Variants in IGF1 observed in about 807,000 individuals in gnomAD.
IGF1 encodes insulin like growth factor 1, also known as insulin-like growth factor 1.
IGF1 carries 4 observed loss-of-function variants against 13.8 expected under a neutral mutation model. The ratio of observed to expected loss-of-function variants is 0.29; its 90% CI spans 0.14 to 0.66. The LOEUF is 0.66. Ranked by LOEUF, IGF1 falls within the 30% of genes least tolerant of loss-of-function variation. The pLI, the probability that IGF1 is intolerant of heterozygous loss-of-function variation, is 0.78. For synonymous variants in IGF1, 76 were observed against 72.6 expected (o/e 1.05, Z -0.23); for missense variants, 124 against 188.5 (o/e 0.66, Z 2.00).
chr12:102,466,538 T>C (rs1341003116), intron 2 of IGF1, among the ~76,000 whole-genome samples: 2 of 152,200 alleles, frequency 1.3e-5, no homozygotes, highest in African/African-American at 4.8e-5. Context: ...GTCAATAGTG[T>C]TGAGGCTGAA....
rs1873752276 is a variant in IGF1, at chr12:102,402,355, G to A, written c.*152C>T. 1 of 745,964 alleles carries A rather than the reference G, an allele frequency of 1.3e-6. No homozygotes were observed. The highest frequency in any genetic ancestry group is 2.5e-5 in the East Asian group (1 of 40,408). The allele number at this position is 745,964 out of a possible 1,614,324, so 46.2% of individuals were successfully genotyped here. On this transcript the variant is annotated 3_prime_UTR_variant, in exon 4 of 4. Transcript: ENST00000337514. ...TCACTCCTAAAGACAATGTTGGAAT[G>A]TTTACTTGTGTATTTCATTGGGGGA...
intron 3 of IGF1, chr12:102,417,960 C>T (rs1490271682): frequency 1.2e-6 from 2 of 1,613,534 alleles, no homozygotes; most frequent in African/African-American, 1.3e-5. Flanking sequence ...CCAACCTTTC[C>T]TTCTCTGAGA....
intron 2 of IGF1, among the ~76,000 whole-genome samples, chr12:102,425,693 G>A (rs557599361): frequency 1.1e-4 from 16 of 152,118 alleles, no homozygotes; most frequent in Non-Finnish European, 2.4e-4. Flanking sequence ...CAAGTCCTAG[G>A]GGCGATAACA....
intron 2 of IGF1, among the ~76,000 whole-genome samples, chr12:102,427,079 A>G (rs1043564388): frequency 1.3e-5 from 2 of 152,204 alleles, no homozygotes; most frequent in Non-Finnish European, 2.9e-5. Flanking sequence ...CCCAGTATAC[A>G]GTGTCACCAG....
chr12:102,418,069 C>T (rs1565969068), intron 3 of IGF1: 3 of 1,532,776 alleles, frequency 2.0e-6, no homozygotes, highest in Non-Finnish European at 2.7e-6. Context: ...TTTGAATGAG[C>T]TCAGAATGCC....
chr12:102,428,953 G>T (rs768111880), intron 2 of IGF1, among the ~76,000 whole-genome samples: 3 of 152,158 alleles, frequency 2.0e-5, no homozygotes, highest in Non-Finnish European at 4.4e-5. Flanking sequence ...CATCATCTAT[G>T]CCATTGGTAC....
chr12:102,451,276 G>A (rs960905164), intron 2 of IGF1, among the ~76,000 whole-genome samples: 3 of 152,226 alleles, frequency 2.0e-5, no homozygotes, highest in South Asian at 2.1e-4. Flanking sequence ...AAGGATAAGA[G>A]AGTATTGCTC....
At chr12:102,435,382 TAGA>T (rs1457034787) in intron 2 of IGF1, among the ~76,000 whole-genome samples, 2 of 152,188 alleles carry the variant, frequency 1.3e-5, no homozygotes, top group African/African-American at 2.4e-5. Flanking sequence ...GCTCAGAATA[TAGA>T]AGAGGACACA....
At chr12:102,480,566 G>A, upstream of IGF1, 2 of 1,442,938 alleles carry the variant, frequency 1.4e-6, no homozygotes, top group Non-Finnish European at 1.8e-6. Context: ...AACAGAAGAG[G>A]GATTTAGAGA....
intron 2 of IGF1, among the ~76,000 whole-genome samples, chr12:102,456,222 G>GT (rs1879387483): frequency 3.2e-4 from 1 of 3,110 alleles, no homozygotes; most frequent in South Asian, 5.3e-3. Flanking sequence ...TTTAAAAAAG[G>GT]TGTGTGTGTG....
At chr12:102,441,113 A>G (rs1433904987) in intron 2 of IGF1, among the ~76,000 whole-genome samples, 1 of 152,192 alleles carries the variant, frequency 6.6e-6, no homozygotes, top group African/African-American at 2.4e-5. Context: ...CAGGCACCCT[A>G]GTGACTCATG....
At chr12:102,450,615 G>A (rs903593739) in intron 2 of IGF1, among the ~76,000 whole-genome samples, 35 of 152,186 alleles carry the variant, frequency 2.3e-4, no homozygotes, top group African/African-American at 6.8e-4. Flanking sequence ...TACTCTTTCT[G>A]TGTTGGCAAA....
chr12:102,454,989 C>T (rs1467160454), intron 2 of IGF1, among the ~76,000 whole-genome samples: 5 of 152,132 alleles, frequency 3.3e-5, no homozygotes, highest in Non-Finnish European at 7.3e-5. Context: ...CTCTCTCAAG[C>T]CTGGAGAATC....
chr12:102,403,566 C>G (rs902171689), intron 3 of IGF1, among the ~76,000 whole-genome samples: 1 of 151,440 alleles, frequency 6.6e-6, no homozygotes, highest in Non-Finnish European at 1.5e-5. Context: ...ACACAATCCT[C>G]CTGCCTCAGC....
At chr12:102,430,631 G>A (rs771350977) in intron 2 of IGF1, among the ~76,000 whole-genome samples, 1 of 152,188 alleles carries the variant, frequency 6.6e-6, no homozygotes, top group African/African-American at 2.4e-5. Flanking sequence ...TAAAAAGCAG[G>A]CTGCTGGTTC....
At chr12:102,471,199 AAG>A (rs1397663982) in intron 2 of IGF1, among the ~76,000 whole-genome samples, 2 of 152,182 alleles carry the variant, frequency 1.3e-5, no homozygotes, top group African/African-American at 4.8e-5. Context: ...AATAAGATAA[AAG>A]AGACTAAATG....
Position 102,448,689 on chromosome 12 carries a change from T to TAA in IGF1, c.220+26952_220+26953dup, listed in dbSNP as rs58794507. Among the ~76,000 whole-genome samples the TAA allele has an allele frequency of 1.6e-3, 172 of 110,268 alleles. 6 individuals are homozygous for TAA. The highest frequency in any genetic ancestry group is 0.01 in the East Asian group (33 of 3,260). 72.3% of individuals were successfully genotyped at this position (110,268 alleles called of 152,430 possible). ...ATGTACCCTAAAACTTAGAGTATAATAAAAAAAAAAAAAAAAAAAAAAAAA... is the reference window on the plus strand; with the variant it reads ...ATGTACCCTAAAACTTAGAGTATAATAAAAAAAAAAAAAAAAAAAAAAAAAAA... On this transcript the variant is annotated intron_variant, in intron 2 of 3. Transcript: ENST00000337514.
rs567632259 is a variant in IGF1 at position 102,426,393 on chromosome 12, T to C, written c.221-6703A>G. Among the ~76,000 whole-genome samples the C allele has an allele frequency of 2.6e-5, 4 of 152,372 alleles. No individual in the cohort carries two copies. The South Asian group carries it at 8.3e-4, about 32-fold the overall frequency. On this transcript the variant is annotated intron_variant, in intron 2 of 3. Transcript: ENST00000337514. ...ATATAAATGTTGACAATTATTATTA[T>C]GGTGTTGAATTGGTTAACATAGCTA...
intron 2 of IGF1, among the ~76,000 whole-genome samples, chr12:102,447,092 G>A (rs780848505): frequency 3.3e-5 from 5 of 152,132 alleles, no homozygotes; most frequent in Non-Finnish European, 5.9e-5. Context: ...TGGAGAGACT[G>A]TTTGTTATGA....
Sources: gnomAD v4.1 joint callset for allele counts (sites outside exome capture counted in the v4.1 genomes callset) on GRCh38, gnomAD v4.1.1 for gene constraint, MANE v1.5 for transcripts, NCBI Gene and HGNC (gene_info 2026-07-23, HGNC 2026-07-21) for gene names.